ARHGAP24: variants seen among roughly 807,000 people sequenced by gnomAD.
ARHGAP24 encodes the protein rho GTPase-activating protein 24.
Under a neutral mutation model 76.4 loss-of-function variants are expected in ARHGAP24, and 50 were observed. The observed-to-expected ratio is 0.65, with a 90% CI of 0.52 to 0.83. The LOEUF (loss-of-function observed/expected upper bound fraction) is 0.83. Ranked by LOEUF, ARHGAP24 falls within the 40% of genes least tolerant of loss-of-function variation. ARHGAP24 has a pLI of 0.00. For synonymous variants in ARHGAP24, 345 were observed against 323.3 expected (o/e 1.07, Z -0.72); for missense variants, 930 against 914.2 (o/e 1.02, Z -0.22).
At chr4:85,755,649 T>TTTTTG (rs1553927708) in intron 3 of ARHGAP24, among the ~76,000 whole-genome samples, 1 of 143,020 alleles carries the variant, frequency 7.0e-6, no homozygotes, top group African/African-American at 2.5e-5. Context: ...TTGTTTTGTT[T>TTTTTG]TGAGACGGAG....
chr4:85,873,683 G>T (rs142272460), intron 3 of ARHGAP24, among the ~76,000 whole-genome samples: 22 of 152,244 alleles, frequency 1.4e-4, no homozygotes, highest in Admixed American at 1.2e-3. Context: ...CCCATTTCAG[G>T]AGACATCATT....
intron 1 of ARHGAP24, among the ~76,000 whole-genome samples, chr4:85,543,111 T>G (rs1310187061): frequency 1.3e-5 from 2 of 152,134 alleles, no homozygotes; most frequent in Non-Finnish European, 2.9e-5. Context: ...AATAGACAGA[T>G]TTGGAAGACT....
chr4:85,665,477 G>T (rs1722575808), intron 2 of ARHGAP24, among the ~76,000 whole-genome samples: 2 of 152,162 alleles, frequency 1.3e-5, no homozygotes, highest in Non-Finnish European at 2.9e-5. Flanking sequence ...CAATTTGCCA[G>T]TCTGTGTCTT....
intron 3 of ARHGAP24, among the ~76,000 whole-genome samples, chr4:85,755,626 G>GTTTTTTT (rs111410344): frequency 0.069 from 8,116 of 117,214 alleles, 3,223 homozygotes; most frequent in Non-Finnish European, 0.11. Context: ...CTATTCTTTT[G>GTTTTTTT]TTTTGTTTTG....
intron 2 of ARHGAP24, among the ~76,000 whole-genome samples, chr4:85,652,268 G>A (rs10006148): frequency 0.93 from 141,814 of 152,258 alleles, 66,086 homozygotes; most frequent in East Asian, 0.98. Context: ...AAGTGATAAT[G>A]ATTTTCATAA....
At chr4:85,813,800 AATATATATATATTTATTTTAT>A (rs926128666) in intron 3 of ARHGAP24, among the ~76,000 whole-genome samples, 1 of 125,872 alleles carries the variant, frequency 7.9e-6, no homozygotes, top group African/African-American at 3.0e-5. Context: ...TAGTTATATA[AATATATATATATTTATTTTAT>A]ATATATATAT....
intron 1 of ARHGAP24, among the ~76,000 whole-genome samples, chr4:85,514,371 TA>T (rs1724404379): frequency 6.6e-6 from 1 of 152,206 alleles, no homozygotes; most frequent in African/African-American, 2.4e-5. Flanking sequence ...ACTTTCACTT[TA>T]ATCTACTTTC....
rs148360317 is a variant in ARHGAP24 at position 85,491,470 on chromosome 4, T to C, written c.-21+15911T>C. 3.4e-3 allele frequency among the ~76,000 whole-genome samples: 511 copies of C among 152,358 alleles called. 2 individuals are homozygous for C. Among genetic ancestry groups the C allele is most frequent in the African/African-American group, 0.012 (486 of 41,584 alleles). ...TCTTGGACTTTTTCAATTATTTTAATTAATAAATCAGCTAGGCTGTATTTC... is the reference window on the plus strand; with the variant it reads ...TCTTGGACTTTTTCAATTATTTTAACTAATAAATCAGCTAGGCTGTATTTC... On this transcript the variant is annotated intron_variant, in intron 1 of 9. Transcript: ENST00000395184.
intron 3 of ARHGAP24, among the ~76,000 whole-genome samples, chr4:85,917,291 T>A (rs1329751468): frequency 6.6e-6 from 1 of 152,132 alleles, no homozygotes; most frequent in African/African-American, 2.4e-5. Flanking sequence ...ATGTGCCACA[T>A]TTTCTTAATC....
At chr4:85,995,710 C>T in intron 9 of ARHGAP24, 53 bp downstream of exon 9, 3 of 1,536,404 alleles carry the variant, frequency 2.0e-6, no homozygotes, top group Non-Finnish European at 1.8e-6. Flanking sequence ...TAGCCTCCTA[C>T]TGTGGGACAG....
intron 3 of ARHGAP24, among the ~76,000 whole-genome samples, chr4:85,817,941 T>C (rs1008516962): frequency 2.0e-5 from 3 of 152,354 alleles, no homozygotes; most frequent in Non-Finnish European, 2.9e-5. Flanking sequence ...GATACTGATA[T>C]CACGATAGAG....
intron 1 of ARHGAP24, 116 bp downstream of exon 1, chr4:85,475,675 AGGGGGC>A (rs1722557693): frequency 1.1e-4 from 1 of 9,118 alleles, no homozygotes; most frequent in Non-Finnish European, 2.7e-4. Flanking sequence ...GGGGGCGGGG[AGGGGGC>A]TGCGGGGGGC....
chr4:85,931,032 T>C, intron 4 of ARHGAP24: 1 of 1,611,540 alleles, frequency 6.2e-7, no homozygotes, highest in East Asian at 2.2e-5. Context: ...GGTGTTTTAG[T>C]TTTCGGAAAG....
intron 2 of ARHGAP24, among the ~76,000 whole-genome samples, chr4:85,582,276 C>A (rs1010298511): frequency 6.6e-6 from 1 of 151,992 alleles, no homozygotes; most frequent in African/African-American, 2.4e-5. Flanking sequence ...AATCTTGAAG[C>A]CAGTTTTAGT....
chr4:85,512,628 C>G (rs149507230), intron 1 of ARHGAP24, among the ~76,000 whole-genome samples: 2 of 152,286 alleles, frequency 1.3e-5, no homozygotes, highest in African/African-American at 2.4e-5. Flanking sequence ...TAGAATAACT[C>G]AGAGCTGTGA....
intron 8 of ARHGAP24, chr4:85,992,090 G>C: frequency 2.5e-6 from 1 of 397,262 alleles, no homozygotes. Flanking sequence ...AATCTGCTTG[G>C]ACTCTTCAGA....
chr4:85,641,512 A>G (rs1305121116), intron 2 of ARHGAP24, among the ~76,000 whole-genome samples: 11 of 152,082 alleles, frequency 7.2e-5, no homozygotes, highest in Admixed American at 7.2e-4. Flanking sequence ...CTTGCCTTGT[A>G]CATGGCCATC....
At chr4:85,550,447 G>C (rs1465273860) in intron 1 of ARHGAP24, among the ~76,000 whole-genome samples, 3 of 152,152 alleles carry the variant, frequency 2.0e-5, no homozygotes, top group African/African-American at 7.2e-5. Flanking sequence ...GGTTACTGTA[G>C]GCTTGTAGTA....
chr4:85,813,469 G>A (rs1386895711), intron 3 of ARHGAP24, among the ~76,000 whole-genome samples: 1 of 152,090 alleles, frequency 6.6e-6, no homozygotes, highest in African/African-American at 2.4e-5. Context: ...ACATCTATGT[G>A]AATTTGAGTA....
Sources: gnomAD v4.1 joint callset for allele counts (sites outside exome capture counted in the v4.1 genomes callset) on GRCh38, gnomAD v4.1.1 for gene constraint, MANE v1.5 for transcripts, NCBI Gene and HGNC (gene_info 2026-07-23, HGNC 2026-07-21) for gene names.